Variants in EVI5 observed in about 807,000 individuals in gnomAD.
The protein encoded by EVI5 is ecotropic viral integration site 5.
A neutral mutation model predicts 112.0 loss-of-function variants in EVI5; 73 were observed. The ratio of observed to expected loss-of-function variants is 0.65; its 90% CI spans 0.54 to 0.79. The LOEUF is 0.79. Ranked by LOEUF, EVI5 falls within the 30% of genes least tolerant of loss-of-function variation. EVI5 has a pLI of 0.00. For synonymous variants in EVI5, 305 were observed against 319.9 expected (o/e 0.95, Z 0.50); for missense variants, 900 against 968.8 (o/e 0.93, Z 0.94).
At chr1:92,686,111 GC>G (rs1344460039) in intron 9 of EVI5, among the ~76,000 whole-genome samples, 1 of 152,014 alleles carries the variant, frequency 6.6e-6, no homozygotes, top group East Asian at 1.9e-4. Flanking sequence ...AGAATTTTAG[GC>G]CAATACCCCG....
intron 13 of EVI5, among the ~76,000 whole-genome samples, chr1:92,651,863 A>G (rs1383560120): frequency 1.3e-5 from 2 of 149,678 alleles, no homozygotes; most frequent in African/African-American, 2.5e-5. Context: ...AAAAAAAAAA[A>G]AAAGAAAGAA....
At chr1:92,516,905 A>G (rs1034315098) in intron 19 of EVI5, among the ~76,000 whole-genome samples, 1 of 152,054 alleles carries the variant, frequency 6.6e-6, no homozygotes, top group Non-Finnish European at 1.5e-5. Context: ...AAAGAAAAAA[A>G]TCCTTATGGG....
intron 18 of EVI5, among the ~76,000 whole-genome samples, chr1:92,566,996 G>A (rs1023653329): frequency 5.3e-5 from 8 of 151,910 alleles, no homozygotes; most frequent in South Asian, 2.1e-4. Context: ...TATTAGAGAC[G>A]GGGTTTCACC....
Position 92,704,732 on chromosome 1 carries a change from C to T in EVI5, c.162G>A (p.Thr54=), listed in dbSNP as rs61735642. ...KLEEQNRLLE[T]DSKSLRSVNG... ...TTACAGATCTTAAAGACTTACTATC[C>T]GTTTCTAACAATCTAAAATATAATT... Residue 54 remains threonine, a synonymous_variant, in exon 3 of 20, where the codon ACG becomes ACA. Coordinates refer to ENST00000684568, the MANE Select transcript of EVI5 (RefSeq NM_001350197.2). The T allele has an allele frequency of 3.0e-5, 45 of 1,524,148 alleles. No individual in the cohort carries two copies. Among genetic ancestry groups the T allele is most frequent in the African/African-American group, 1.1e-4 (8 of 72,042 alleles). The allele number at this position is 1,524,148 out of a possible 1,614,324, so 94.4% of individuals were successfully genotyped here.
At chr1:92,709,751 G>T (rs1400827318) in intron 2 of EVI5, among the ~76,000 whole-genome samples, 2 of 152,062 alleles carry the variant, frequency 1.3e-5, no homozygotes, top group Admixed American at 6.5e-5. Context: ...AATAATTTAC[G>T]TGTTCAAGAA....
chr1:92,595,515 T>A (rs897759455), intron 18 of EVI5, among the ~76,000 whole-genome samples: 2 of 152,084 alleles, frequency 1.3e-5, no homozygotes, highest in South Asian at 4.1e-4. Flanking sequence ...CGTATACATA[T>A]GCAACAAACC....
intron 1 of EVI5, among the ~76,000 whole-genome samples, chr1:92,759,965 T>C (rs531320193): frequency 2.5e-4 from 38 of 151,814 alleles, no homozygotes; most frequent in Non-Finnish European, 4.7e-4. Flanking sequence ...AACATGAGCA[T>C]ACAAGTACCA....
chr1:92,741,797 T>C (rs1162216684), intron 1 of EVI5, among the ~76,000 whole-genome samples: 3 of 152,174 alleles, frequency 2.0e-5, no homozygotes, highest in Non-Finnish European at 4.4e-5. Context: ...AATCAAAGAT[T>C]CAGCTCATTT....
chr1:92,694,301 G>T lies in EVI5; in HGVS notation c.997C>A (p.Gln333Lys). The T allele has an allele frequency of 2.0e-6, 3 of 1,531,650 alleles. No homozygotes were observed. The highest frequency in any genetic ancestry group is 2.7e-6 in the Non-Finnish European group (3 of 1,113,524). 94.9% of individuals were successfully genotyped at this position (1,531,650 alleles called of 1,614,324 possible). A position where few individuals can be genotyped will look rare whatever the true frequency, so the allele number is the denominator to read the frequency against. Residue 333 changes from glutamine (Q) to lysine (K), a missense_variant and splice_region_variant, in exon 8 of 20, where the codon CAG becomes AAG. Transcript: ENST00000684568. The stretch of plus-strand genomic sequence containing the variant: ...AAGAAAATAAATTATGAACTTACCT[G>T]TAACATCCCTTCCATGTCAAGTTGC... ...LMQLDMEGML[Q>K]HFQKVIPHQF... is the part of the protein sequence containing the mutation.
At chr1:92,590,407 G>A (rs1022814766) in intron 18 of EVI5, among the ~76,000 whole-genome samples, 4 of 152,226 alleles carry the variant, frequency 2.6e-5, no homozygotes, top group Non-Finnish European at 4.4e-5. Context: ...AACCAATGCA[G>A]AGAAGTGCTT....
At chr1:92,787,244 T>C (rs986885666), upstream of EVI5, among the ~76,000 whole-genome samples, 3 of 152,230 alleles carry the variant, frequency 2.0e-5, no homozygotes, top group Admixed American at 2.0e-4. Context: ...AATGTCACCA[T>C]CTGACATTTG....
chr1:92,668,208 T>C (rs1665260812), intron 10 of EVI5, among the ~76,000 whole-genome samples: 1 of 152,208 alleles, frequency 6.6e-6, no homozygotes, highest in African/African-American at 2.4e-5. Flanking sequence ...ATTAGATTTC[T>C]TGTTCTATTC....
At chr1:92,693,923 C>A (rs1410355665) in intron 8 of EVI5, 24 bp from the exon 9 acceptor site, 3 of 1,302,868 alleles carry the variant, frequency 2.3e-6, no homozygotes, top group African/African-American at 1.5e-5. Flanking sequence ...AAAAAAAAAA[C>A]ATAAGAATGA....
At chr1:92,526,018 TA>T in intron 19 of EVI5, among the ~76,000 whole-genome samples, 1 of 152,050 alleles carries the variant, frequency 6.6e-6, no homozygotes, top group East Asian at 1.9e-4. Context: ...AGACTTTGAG[TA>T]GGGTTCTGGC....
chr1:92,522,878 C>T (rs1317761523), intron 19 of EVI5, among the ~76,000 whole-genome samples: 1 of 152,136 alleles, frequency 6.6e-6, no homozygotes, highest in Non-Finnish European at 1.5e-5. Context: ...CTGCCTCAGG[C>T]TCCTGAGTAG....
intron 17 of EVI5, 43 bp from the exon 18 acceptor site, chr1:92,605,445 T>G (rs1310681995): frequency 1.5e-6 from 2 of 1,339,340 alleles, no homozygotes; most frequent in African/African-American, 1.4e-5. Context: ...ACCAGGTGTG[T>G]TTGGAATTCA....
In EVI5 at chr1:92,625,940, G is replaced by C. The variant is rs1019028870; in HGVS notation, c.1528-6C>G. ...TCAGGAAGGGAGTTATTCCTCTAAA[G>C]AAGAAGAAAATTTAATTTGGGATTT... On this transcript the variant is annotated splice_region_variant and splice_polypyrimidine_tract_variant and intron_variant, in intron 14 of 19. Transcript: ENST00000684568. The C allele has an allele frequency of 6.3e-7, 1 of 1,576,930 alleles. No homozygotes were observed. The highest frequency in any genetic ancestry group is 1.1e-5 in the South Asian group (1 of 88,266).
intron 17 of EVI5, among the ~76,000 whole-genome samples, chr1:92,605,669 G>GA (rs1343634576): frequency 1.3e-5 from 2 of 152,132 alleles, no homozygotes; most frequent in South Asian, 4.1e-4. Context: ...TGAAATTTAT[G>GA]AAAAAACTCC....
chr1:92,687,029 G>GA (rs1668659659), intron 9 of EVI5, among the ~76,000 whole-genome samples: 1 of 152,206 alleles, frequency 6.6e-6, no homozygotes, highest in African/African-American at 2.4e-5. Flanking sequence ...CACAGAATTA[G>GA]AAAAAACTAC....
Sources: gnomAD v4.1 joint callset for allele counts (sites outside exome capture counted in the v4.1 genomes callset) on GRCh38, gnomAD v4.1.1 for gene constraint, MANE v1.5 for transcripts, NCBI Gene and HGNC (gene_info 2026-07-23, HGNC 2026-07-21) for gene names.